The following AOPEP variants were observed in gnomAD, a reference collection of about 807,000 sequenced individuals.
AOPEP encodes aminopeptidase O.
Under a neutral mutation model 98.1 loss-of-function variants are expected in AOPEP, and 77 were observed. That is an observed-to-expected ratio of 0.78 (90% CI 0.65 to 0.95). The LOEUF is 0.95. Ranked by LOEUF, AOPEP falls within the 40% of genes least tolerant of loss-of-function variation. The probability of loss-of-function intolerance (pLI) is 0.00; values close to 1 mark genes in which losing one functional copy is unlikely to be tolerated. For synonymous variants in AOPEP, 346 were observed against 365.3 expected (o/e 0.95, Z 0.60); for missense variants, 1,024 against 1,024.7 (o/e 1.00, Z 0.01).
intron 13 of AOPEP, among the ~76,000 whole-genome samples, chr9:95,059,858 A>G (rs527962854): frequency 6.6e-6 from 1 of 152,140 alleles, no homozygotes; most frequent in African/African-American, 2.4e-5. Context: ...GCATATCTCA[A>G]ATTGATTCTT....
At chr9:94,782,717 C>A (rs1843561997) in intron 3 of AOPEP, among the ~76,000 whole-genome samples, 1 of 152,206 alleles carries the variant, frequency 6.6e-6, no homozygotes, top group Non-Finnish European at 1.5e-5. Context: ...ACTAGGGAAA[C>A]TTTATTCCAC....
intron 6 of AOPEP, among the ~76,000 whole-genome samples, chr9:94,926,759 C>T (rs2054405610): frequency 1.3e-5 from 2 of 150,032 alleles, no homozygotes; most frequent in Non-Finnish European, 3.0e-5. Context: ...GCCTGGGAGA[C>T]TGTGCTCTGC....
chr9:94,859,472 A>C (rs1185731935), intron 5 of AOPEP, among the ~76,000 whole-genome samples: 2 of 152,176 alleles, frequency 1.3e-5, no homozygotes, highest in Admixed American at 6.5e-5. Flanking sequence ...GGATAATCTG[A>C]CTAACTCAAG....
chr9:94,989,366 T>C (rs996066447), intron 11 of AOPEP, among the ~76,000 whole-genome samples: 1 of 152,076 alleles, frequency 6.6e-6, no homozygotes, highest in Non-Finnish European at 1.5e-5. Flanking sequence ...CCTCCCAAAG[T>C]GCTAGGATTA....
chr9:94,986,837 A>C (rs1364745908), intron 11 of AOPEP, among the ~76,000 whole-genome samples: 1 of 152,232 alleles, frequency 6.6e-6, no homozygotes, highest in Non-Finnish European at 1.5e-5. Flanking sequence ...CTGTCTTTCA[A>C]AACCTGATTT....
intron 5 of AOPEP, among the ~76,000 whole-genome samples, chr9:94,851,595 G>T (rs1442332752): frequency 6.6e-6 from 1 of 151,694 alleles, no homozygotes; most frequent in Admixed American, 6.6e-5. Context: ...CTCCTCAGAA[G>T]ATGTTTAATC....
At chr9:95,104,325 G>A in the AOPEP span, among the ~76,000 whole-genome samples, 192 of 152,352 alleles carry the variant, frequency 1.3e-3, no homozygotes, top group Middle Eastern at 6.8e-3. Context: ...GCCAGCATCC[G>A]TCCCTGACAG....
intron 5 of AOPEP, chr9:94,824,767 G>A (rs918092357): frequency 2.0e-5 from 3 of 151,942 alleles, no homozygotes; most frequent in African/African-American, 7.3e-5. Context: ...ATAAATTCGA[G>A]AAAATAACCA....
chr9:95,064,474 A>G (rs2067662248), intron 14 of AOPEP, among the ~76,000 whole-genome samples: 1 of 152,202 alleles, frequency 6.6e-6, no homozygotes, highest in African/African-American at 2.4e-5. Flanking sequence ...GTATTTTAAT[A>G]GAGACGGGGT....
chr9:94,845,267 C>T (rs1195046818), intron 5 of AOPEP, among the ~76,000 whole-genome samples: 1 of 152,130 alleles, frequency 6.6e-6, no homozygotes, highest in East Asian at 1.9e-4. Flanking sequence ...GGGCAGAGCC[C>T]CCGAGGTGGG....
rs1025416165 is a variant in AOPEP, at chr9:94,930,170, G to A, written c.1661+1639G>A. The stretch of plus-strand genomic sequence containing the variant: ...AGCCTTGCAGTAGTCCATGCAAGAG[G>A]CCCTGGAGTGCCTGTGACAGATGCA... On this transcript the variant is annotated intron_variant, in intron 7 of 16. Coordinates refer to ENST00000375315, the MANE Select transcript of AOPEP (RefSeq NM_001193329.3). This position sits in a 1 kb window ranked among gnomAD's most constrained non-coding sequence, Gnocchi z 4.5. 1.6e-4 allele frequency among the ~76,000 whole-genome samples: 25 copies of A among 152,212 alleles called. No individual in the cohort carries two copies. The highest frequency in any genetic ancestry group is 4.4e-5 in the Non-Finnish European group (3 of 68,040).
chr9:95,034,057 C>T (rs935310702), intron 13 of AOPEP, among the ~76,000 whole-genome samples: 6 of 152,160 alleles, frequency 3.9e-5, no homozygotes, highest in South Asian at 2.1e-4. Flanking sequence ...GTCTAAATGA[C>T]GTACTGAAGA....
chr9:94,960,525 A>G (rs564683310), intron 9 of AOPEP, among the ~76,000 whole-genome samples: 1 of 152,270 alleles, frequency 6.6e-6, no homozygotes, highest in East Asian at 1.9e-4. Flanking sequence ...TTTCATTTAC[A>G]AAATTGACTA....
At chr9:95,057,295 A>G (rs182903635) in intron 13 of AOPEP, among the ~76,000 whole-genome samples, 9 of 152,356 alleles carry the variant, frequency 5.9e-5, no homozygotes, top group Admixed American at 5.2e-4. Flanking sequence ...AAAATAAATA[A>G]ATAAACGCAG....
chr9:94,964,603 T>G lies in AOPEP; in HGVS notation c.1873-3155T>G, dbSNP rs549871993. The stretch of plus-strand genomic sequence containing the variant: ...GCTACAAGGAGATAATGAAGTAAAC[T>G]TAGTAAAAAGTTATCATTACAAGTA... On this transcript the variant is annotated intron_variant, in intron 9 of 16. Coordinates refer to ENST00000375315, the MANE Select transcript of AOPEP (RefSeq NM_001193329.3). 5.9e-5 allele frequency among the ~76,000 whole-genome samples: 9 copies of G among 151,882 alleles called. No homozygotes were observed. In the South Asian group the frequency reaches 6.2e-4, roughly 11 times the overall value.
At chr9:94,739,583 G>T (rs572077619) in intron 1 of AOPEP, among the ~76,000 whole-genome samples, 117 of 151,532 alleles carry the variant, frequency 7.7e-4, no homozygotes, top group African/African-American at 2.5e-3. Flanking sequence ...GGTGGAAGTT[G>T]CAGTGAGCCG....
chr9:94,830,810 T>G (rs1199277958), intron 5 of AOPEP, among the ~76,000 whole-genome samples: 1 of 152,254 alleles, frequency 6.6e-6, no homozygotes, highest in Non-Finnish European at 1.5e-5. Flanking sequence ...CCAGTGATGT[T>G]GAGCTTTTTT....
chr9:95,114,637 C>G, the AOPEP span: 7 of 1,613,994 alleles, frequency 4.3e-6, no homozygotes, highest in Non-Finnish European at 5.1e-6. Context: ...ACCCATGAGT[C>G]TGGTCTTCAA....
In AOPEP at chr9:94,924,092, G is replaced by A. The variant is rs564817975; in HGVS notation, c.1471G>A (p.Gly491Arg). The A allele has an allele frequency of 1.7e-5, 26 of 1,517,222 alleles. No individual in the cohort carries two copies. The highest frequency in any genetic ancestry group is 1.1e-4 in the African/African-American group (8 of 71,708). 94.0% of individuals were successfully genotyped at this position (1,517,222 alleles called of 1,614,324 possible). A position where few individuals can be genotyped will look rare whatever the true frequency, so the allele number is the denominator to read the frequency against. Residue 491 changes from glycine to arginine, a missense_variant, in exon 6 of 17, where the codon GGG becomes AGG. This residue lies in a region of AOPEP where 566 missense variants were observed against 551.7 expected (regional missense o/e 1.03). Coordinates refer to ENST00000375315, the MANE Select transcript of AOPEP (RefSeq NM_001193329.3). Reference sequence around the variant, plus strand: ...CCATGCCTGGTTTGGCCTAGCCATCGGGGCCCGAGACTGGACGGAGGAGTG... The same window carrying A: ...CCATGCCTGGTTTGGCCTAGCCATCAGGGCCCGAGACTGGACGGAGGAGTG... ...IAHAWFGLAI[G>R]ARDWTEEWLS...
Sources: allele counts gnomAD v4.1 joint callset (sites outside exome capture counted in the v4.1 genomes callset), GRCh38; gene constraint gnomAD v4.1.1; regional missense constraint gnomAD v4.1.1; non-coding constraint Gnocchi (gnomAD v3.1); transcripts MANE v1.5; gene names NCBI Gene and HGNC (gene_info 2026-07-23, HGNC 2026-07-21).